PSMD4: variants seen among roughly 807,000 people sequenced by gnomAD.
The protein encoded by PSMD4 is 26S proteasome non-ATPase regulatory subunit 4.
PSMD4 carries 5 observed loss-of-function variants against 39.7 expected under a neutral mutation model. That is an observed-to-expected ratio of 0.13 (90% confidence interval 0.07 to 0.26). The LOEUF (loss-of-function observed/expected upper bound fraction) is 0.26. PSMD4 is among the 10% of genes least tolerant of loss of function. PSMD4 has a pLI of 1.00. For missense variants in PSMD4, 272 were observed against 486.1 expected (o/e 0.56, Z 4.14); for synonymous variants, 143 against 174.6 (o/e 0.82, Z 1.43).
chr1:151,257,860 C>T lies in PSMD4; in HGVS notation c.26+3052C>T, dbSNP rs587765159. Among the ~76,000 whole-genome samples, 7 of 151,810 alleles carry T rather than the reference C, an allele frequency of 4.6e-5. 1 individual carries two copies. In the South Asian group the frequency reaches 8.3e-4, roughly 18 times the overall value. ...AATTACAGGTGTGAGCCACCATGCT[C>T]GGCAGTATGGCCATTTTAATGATAT... On this transcript the variant is annotated intron_variant, in intron 1 of 9. Coordinates refer to ENST00000368884, the MANE Select transcript of PSMD4 (RefSeq NM_002810.4).
At chr1:151,264,254 C>T (rs1328436089) in intron 3 of PSMD4, among the ~76,000 whole-genome samples, 2 of 151,808 alleles carry the variant, frequency 1.3e-5, no homozygotes, top group Non-Finnish European at 2.9e-5. Context: ...CCTGTAATCC[C>T]ATCACTTTGG....
intron 1 of PSMD4, 121 bp from the exon 2 acceptor site, chr1:151,262,037 AAAG>A (rs1693331935): frequency 9.8e-7 from 1 of 1,022,984 alleles, no homozygotes; most frequent in Non-Finnish European, 1.4e-6. Flanking sequence ...TATATTTAAA[AAAG>A]AAAAAAAGCT....
intron 1 of PSMD4, among the ~76,000 whole-genome samples, chr1:151,260,404 G>T (rs1011013194): frequency 6.6e-6 from 1 of 152,038 alleles, no homozygotes; most frequent in South Asian, 2.1e-4. Flanking sequence ...ACATTAGCTG[G>T]ATACTTTTAG....
At chr1:151,262,071 T>A (rs190571227) in intron 1 of PSMD4, 90 bp from the exon 2 acceptor site, 1 of 1,429,080 alleles carries the variant, frequency 7.0e-7, no homozygotes, top group Admixed American at 1.7e-5. Context: ...CTATGAAGAC[T>A]GCTGCTATAG....
intron 1 of PSMD4, among the ~76,000 whole-genome samples, chr1:151,257,715 C>T (rs368293254): frequency 5.7e-4 from 51 of 88,718 alleles, no homozygotes; most frequent in South Asian, 8.7e-4. Flanking sequence ...ACCTGGCTTT[C>T]TTTTTTTTTT....
chr1:151,263,788 G>A (rs768405871), intron 2 of PSMD4, 126 bp from the exon 3 acceptor site: 23 of 596,676 alleles, frequency 3.9e-5, no homozygotes, highest in Non-Finnish European at 6.4e-5. Flanking sequence ...CCGAGATCAC[G>A]CCACGCACTC....
At chr1:151,261,322 T>A (rs1176683657) in intron 1 of PSMD4, among the ~76,000 whole-genome samples, 2 of 151,702 alleles carry the variant, frequency 1.3e-5, no homozygotes, top group Non-Finnish European at 2.9e-5. Context: ...ATTACAGGCA[T>A]GTGCCACCAC....
chr1:151,259,551 G>GA (rs11313850), intron 1 of PSMD4, among the ~76,000 whole-genome samples: 1 of 151,358 alleles, frequency 6.6e-6, no homozygotes, highest in African/African-American at 2.4e-5. Context: ...GCATACTAAA[G>GA]AAAAAAAAAT....
chr1:151,264,857 A>G lies in PSMD4; in HGVS notation c.308A>G (p.Lys103Arg), dbSNP rs1281342378. 2 of 1,613,706 alleles carry G rather than the reference A, an allele frequency of 1.2e-6. No individual in the cohort carries two copies. Among genetic ancestry groups the G allele is most frequent in the South Asian group, 1.1e-5 (1 of 90,988 alleles). Residue 103 changes from lysine (K) to arginine (R), a missense_variant, in exon 4 of 10, where the codon AAG (lysine) becomes AGG (arginine). Coordinates refer to ENST00000368884, the MANE Select transcript of PSMD4 (RefSeq NM_002810.4). ...CTGGCTCTGAAGCACCGACAAGGCA[A>G]GAATCACAAGATGCGCATCATTGCC... Reference protein sequence around the residue: ...AHLALKHRQGKNHKMRIIAFV... With the variant: ...AHLALKHRQGRNHKMRIIAFV...
chr1:151,254,953 C>T (rs1177516374), intron 1 of PSMD4, 145 bp downstream of exon 1: 4 of 1,040,128 alleles, frequency 3.8e-6, no homozygotes, highest in South Asian at 2.0e-5. Context: ...GCTGGACTCC[C>T]TGAGTCATCC....
chr1:151,267,346 C>A lies in PSMD4; in HGVS notation c.*3C>A, dbSNP rs1693474628. The A allele has an allele frequency of 1.2e-6, 2 of 1,613,646 alleles. No individual in the cohort carries two copies. The highest frequency in any genetic ancestry group is 2.2e-5 in the South Asian group (2 of 91,056). On this transcript the variant is annotated 3_prime_UTR_variant, in exon 10 of 10. Coordinates refer to ENST00000368884, the MANE Select transcript of PSMD4 (RefSeq NM_002810.4). ...AGAAGGAGGAAGACAAGAAGTGAGA[C>A]TGGAGGGAAAGGGTAGCTGAGTCTG...
At chr1:151,261,825 T>C (rs4971026) in intron 1 of PSMD4, among the ~76,000 whole-genome samples, 101,844 of 151,470 alleles carry the variant, frequency 0.67, 34,472 homozygotes, top group Non-Finnish European at 0.71. Context: ...CGTGGTGGCT[T>C]GCACCTATAG....
intron 5 of PSMD4, 74 bp downstream of exon 5, chr1:151,265,308 C>T (rs929818315): frequency 1.5e-4 from 232 of 1,585,622 alleles, no homozygotes; most frequent in Non-Finnish European, 1.8e-4. Context: ...CTGAGGAGTG[C>T]GGGTACTGTG....
intron 9 of PSMD4, 42 bp from the exon 10 acceptor site, chr1:151,267,131 C>T (rs372909147): frequency 1.1e-5 from 18 of 1,611,568 alleles, no homozygotes; most frequent in Non-Finnish European, 1.5e-5. Flanking sequence ...TTACTTCCTG[C>T]CGCTCCATAC....
chr1:151,266,563 T>C lies in PSMD4; in HGVS notation c.939T>C (p.Ala313=), dbSNP rs747553383. 10 of 1,614,080 alleles carry C rather than the reference T, an allele frequency of 6.2e-6. No individual in the cohort carries two copies. The African/African-American group carries it at 1.3e-4, about 22-fold the overall frequency. ...CAGCAGACATTGATGCCAGCTCAGC[T>C]ATGGACACATCTGAGCCAGCCAAGG... ...AESADIDASS[A]MDTSEPAKEE... is the part of the protein sequence containing the mutation. The change falls in exon 9 of 10, where the codon GCT becomes GCC. Residue 313 remains alanine, a synonymous_variant. Coordinates refer to ENST00000368884, the MANE Select transcript of PSMD4 (RefSeq NM_002810.4).
Position 151,265,989 on chromosome 1 carries a change from C to T in PSMD4, c.655-15C>T, listed in dbSNP as rs750308996. 1.2e-5 allele frequency: 19 copies of T among 1,569,304 alleles called. No homozygotes were observed. The highest frequency in any genetic ancestry group is 8.6e-7 in the Non-Finnish European group (1 of 1,157,984). On this transcript the variant is annotated splice_polypyrimidine_tract_variant and intron_variant, in intron 6 of 9. Transcript: ENST00000368884. ...GAGGGCAGGGGAGCCCTGATTATGCCCTGCCCTTCACCAGGCCCTTCGTGT... is the reference window on the plus strand; with the variant it reads ...GAGGGCAGGGGAGCCCTGATTATGCTCTGCCCTTCACCAGGCCCTTCGTGT...
Position 151,254,738 on chromosome 1 carries a change from T to C in PSMD4, c.-45T>C, listed in dbSNP as rs752743019. 6.5e-7 allele frequency: 1 copy of C among 1,546,662 alleles called. No individual in the cohort carries two copies. The highest frequency in any genetic ancestry group is 1.2e-5 in the South Asian group (1 of 83,522). ...GACGGGCCAATTGGAGGAGTTGTTGTTAGGCCGTCCCGGAGACCCGGTCGG... is the reference window on the plus strand; with the variant it reads ...GACGGGCCAATTGGAGGAGTTGTTGCTAGGCCGTCCCGGAGACCCGGTCGG... On this transcript the variant is annotated 5_prime_UTR_variant, in exon 1 of 10. Coordinates refer to ENST00000368884, the MANE Select transcript of PSMD4 (RefSeq NM_002810.4).
Position 151,264,043 on chromosome 1 carries a change from G to T in PSMD4, c.282+15G>T. ...GCGTGGCCCATGTGAGTCCTACTGG[G>T]TTCCCTGGACCTTTCCTCCCTGCTC... On this transcript the variant is annotated intron_variant, in intron 3 of 9. Transcript: ENST00000368884. 9 of 1,542,146 alleles carry T rather than the reference G, an allele frequency of 5.8e-6. No homozygotes were observed. Among genetic ancestry groups the T allele is most frequent in the African/African-American group, 1.4e-5 (1 of 73,012 alleles).
At chr1:151,258,461 T>G (rs1230477007) in intron 1 of PSMD4, among the ~76,000 whole-genome samples, 3 of 110,640 alleles carry the variant, frequency 2.7e-5, no homozygotes, top group Non-Finnish European at 5.8e-5. Flanking sequence ...GTTTTTTTTT[T>G]TTTTTTTTTT....
Sources: gnomAD v4.1 joint callset for allele counts (sites outside exome capture counted in the v4.1 genomes callset) on GRCh38, gnomAD v4.1.1 for gene constraint, MANE v1.5 for transcripts, NCBI Gene and HGNC (gene_info 2026-07-23, HGNC 2026-07-21) for gene names.